The following SOX5 variants were observed in gnomAD, a reference collection of about 807,000 sequenced individuals.
SOX5 encodes the protein SRY-box transcription factor 5.
In SOX5, 9 loss-of-function variants were observed where a neutral mutation model predicts 92.0. That is an observed-to-expected ratio of 0.10 (90% CI 0.06 to 0.17). The LOEUF (loss-of-function observed/expected upper bound fraction) is 0.17, where lower values mean the gene tolerates loss of function less well. SOX5 is among the 10% of genes least tolerant of loss of function. The pLI is 1.00. For synonymous variants in SOX5, 344 were observed against 336.3 expected (o/e 1.02, Z -0.25); for missense variants, 642 against 944.5 (o/e 0.68, Z 4.20).
chr12:24,043,234 C>T (rs182321526), intron 4 of SOX5, among the ~76,000 whole-genome samples: 1 of 152,234 alleles, frequency 6.6e-6, no homozygotes. Flanking sequence ...TTTCTGTCAA[C>T]AGAAGACAAA....
At chr12:23,746,398 T>C (rs1471504813) in intron 4 of SOX5, among the ~76,000 whole-genome samples, 2 of 152,166 alleles carry the variant, frequency 1.3e-5, no homozygotes, top group Non-Finnish European at 2.9e-5. Context: ...TATAACCCTA[T>C]GGAGACACAG....
At chr12:24,184,899 A>G (rs1025475465) in intron 4 of SOX5, among the ~76,000 whole-genome samples, 38 of 152,170 alleles carry the variant, frequency 2.5e-4, no homozygotes, top group African/African-American at 9.2e-4. Context: ...TGTGAAGAAT[A>G]GAGTCTCTAG....
intron 1 of SOX5, among the ~76,000 whole-genome samples, chr12:24,465,363 T>A (rs1273878123): frequency 6.6e-6 from 1 of 152,240 alleles, no homozygotes; most frequent in Non-Finnish European, 1.5e-5. Context: ...ACACATTATT[T>A]TCTCAACTAC....
At chr12:24,026,145 C>G (rs1245545469) in intron 4 of SOX5, among the ~76,000 whole-genome samples, 1 of 152,016 alleles carries the variant, frequency 6.6e-6, no homozygotes, top group Non-Finnish European at 1.5e-5. Context: ...CACAGGAAAA[C>G]TAAATTTGGC....
At chr12:24,288,859 A>G (rs1946246725) in intron 2 of SOX5, among the ~76,000 whole-genome samples, 1 of 152,144 alleles carries the variant, frequency 6.6e-6, no homozygotes, top group South Asian at 2.1e-4. Context: ...GAAGTTTTTC[A>G]ATAGACATTA....
rs147072739 is a variant in SOX5 at position 23,584,361 on chromosome 12, G to T, written c.1165-8523C>A. Among the ~76,000 whole-genome samples, 685 of 152,224 alleles carry T rather than the reference G, an allele frequency of 4.5e-3. 4 individuals are homozygous for T. The highest frequency in any genetic ancestry group is 0.037 in the Middle Eastern group (11 of 294). On this transcript the variant is annotated intron_variant, in intron 9 of 14. Transcript: ENST00000451604. The stretch of plus-strand genomic sequence containing the variant: ...AATTCCTTTTTAAAAATATATCTAT[G>T]GCTCTCTGAGAGATTTATGTTTTCT...
At chr12:24,027,420 T>G (rs1955003528) in intron 4 of SOX5, among the ~76,000 whole-genome samples, 1 of 152,014 alleles carries the variant, frequency 6.6e-6, no homozygotes, top group Non-Finnish European at 1.5e-5. Context: ...CAAGTGACAT[T>G]GCCATTCACT....
intron 2 of SOX5, among the ~76,000 whole-genome samples, chr12:24,362,920 T>C (rs1460217962): frequency 1.4e-5 from 2 of 144,624 alleles, no homozygotes; most frequent in Non-Finnish European, 3.0e-5. Context: ...ATACATATAA[T>C]AAAGTGTCTT....
intron 6 of SOX5, among the ~76,000 whole-genome samples, chr12:23,692,917 C>T (rs1353970017): frequency 6.6e-6 from 1 of 152,122 alleles, no homozygotes; most frequent in Non-Finnish European, 1.5e-5. Context: ...TACGTAGAAG[C>T]CCTATTTATC....
At position 24,498,865 on chromosome 12, in the gene SOX5, C is replaced by A. The variant is rs142253217; in HGVS notation, c.-251+63464G>T. Among the ~76,000 whole-genome samples, 189 of 152,262 alleles carry A rather than the reference C, an allele frequency of 1.2e-3. 1 individual carries two copies. Among genetic ancestry groups the A allele is most frequent in the African/African-American group, 4.4e-3 (181 of 41,568 alleles). ...ACTACTCCCCTGGCTCACTGTGCTGCAGGTACTTGACCTTCCTCTTATTCT... is the reference window on the plus strand; with the variant it reads ...ACTACTCCCCTGGCTCACTGTGCTGAAGGTACTTGACCTTCCTCTTATTCT... On this transcript the variant is annotated intron_variant, in intron 1 of 4. Coordinates refer to the SOX5 transcript ENST00000446891.
chr12:24,237,678 A>T (rs1447033229), intron 3 of SOX5: 1 of 152,158 alleles, frequency 6.6e-6, no homozygotes, highest in Non-Finnish European at 1.5e-5. Context: ...CTAAACATAC[A>T]TAAAGAACTT....
chr12:24,113,139 T>G (rs1328956962), intron 4 of SOX5, among the ~76,000 whole-genome samples: 4 of 150,326 alleles, frequency 2.7e-5, no homozygotes, highest in African/African-American at 9.7e-5. Flanking sequence ...AGTAGGAAAT[T>G]AAGAGGAATT....
At chr12:23,983,283 T>C (rs1949764714) in intron 4 of SOX5, among the ~76,000 whole-genome samples, 1 of 152,160 alleles carries the variant, frequency 6.6e-6, no homozygotes, top group South Asian at 2.1e-4. Context: ...TCCCTCTGAA[T>C]GTTAACCTTC....
rs147328121 is a variant in SOX5 at position 24,445,898 on chromosome 12, ATGAC to A, written c.-250-77263_-250-77260del. Among the ~76,000 whole-genome samples, 867 of 152,272 alleles carry A rather than the reference ATGAC, an allele frequency of 5.7e-3. 7 individuals are homozygous for A. Among genetic ancestry groups the A allele is most frequent in the African/African-American group, 0.02 (836 of 41,548 alleles). On this transcript the variant is annotated intron_variant, in intron 1 of 4. Coordinates refer to the SOX5 transcript ENST00000446891. ...TCTCTCTCTATGGAGGAAATTTACT[ATGAC>A]AGACAGAACATATAATCTGAAGGAT... is the stretch of plus-strand genomic sequence containing the variant.
At chr12:23,805,760 A>G (rs910514550) in intron 3 of SOX5, among the ~76,000 whole-genome samples, 2 of 152,208 alleles carry the variant, frequency 1.3e-5, no homozygotes, top group Non-Finnish European at 2.9e-5. Context: ...AGTCAAACTT[A>G]TCATCTAAGT....
chr12:24,156,405 A>C (rs1172192483), intron 4 of SOX5, among the ~76,000 whole-genome samples: 1 of 152,102 alleles, frequency 6.6e-6, no homozygotes, highest in Non-Finnish European at 1.5e-5. Flanking sequence ...TCCTAGTGTC[A>C]AGGACTGCTT....
chr12:23,899,324 C>T (rs1235867608), intron 1 of SOX5, among the ~76,000 whole-genome samples: 1 of 151,218 alleles, frequency 6.6e-6, no homozygotes, highest in East Asian at 2.0e-4. Context: ...TCACTTGAAC[C>T]TGGGAGGCAG....
At chr12:23,816,304 G>C (rs1383321912) in intron 3 of SOX5, among the ~76,000 whole-genome samples, 1 of 151,674 alleles carries the variant, frequency 6.6e-6, no homozygotes, top group African/African-American at 2.4e-5. Context: ...CCACCTCCAG[G>C]GTTCAAGCGA....
rs201184341 is a variant in SOX5, at chr12:23,825,528, G to GC, written c.481+20454dup. The stretch of plus-strand genomic sequence containing the variant: ...GGAGCAGTTCCTATTCGGCCATCTT[G>GC]CCCGGGGGCCCCTATTATTTTTATT... On this transcript the variant is annotated intron_variant, in intron 3 of 14. Coordinates refer to ENST00000451604, the MANE Select transcript of SOX5 (RefSeq NM_006940.6). Among the ~76,000 whole-genome samples, 863 of 152,280 alleles carry GC rather than the reference G, an allele frequency of 5.7e-3. 14 individuals are homozygous for GC. Among genetic ancestry groups the GC allele is most frequent in the African/African-American group, 0.02 (824 of 41,560 alleles).
Sources: gnomAD v4.1 joint callset for allele counts (sites outside exome capture counted in the v4.1 genomes callset) on GRCh38, gnomAD v4.1.1 for gene constraint, MANE v1.5 for transcripts, NCBI Gene and HGNC (gene_info 2026-07-23, HGNC 2026-07-21) for gene names.